Variants in UVRAG observed in about 807,000 individuals in gnomAD.
UVRAG encodes UV radiation resistance-associated gene protein.
In UVRAG, 19 loss-of-function variants were observed where a neutral mutation model predicts 78.0. The observed-to-expected ratio is 0.24, with a 90% CI of 0.17 to 0.36. UVRAG has a LOEUF of 0.36. Among genes scored for constraint, UVRAG ranks in the 10% least tolerant of loss-of-function variants. The probability of loss-of-function intolerance (pLI) is 1.00; values close to 1 mark genes in which losing one functional copy is unlikely to be tolerated. For synonymous variants in UVRAG, 323 were observed against 324.6 expected, an observed-to-expected ratio of 1.00 and a Z score of 0.05; for missense variants, 740 against 853.8, an observed-to-expected ratio of 0.87 and a Z score of 1.66.
chr11:75,902,210 C>A (rs900164658), intron 5 of UVRAG, among the ~76,000 whole-genome samples: 3 of 152,236 alleles, frequency 2.0e-5, no homozygotes, highest in African/African-American at 7.2e-5. Context: ...TATAGCTCAG[C>A]AGTCCCCAAC....
chr11:75,873,891 C>T (rs911531388), intron 3 of UVRAG, among the ~76,000 whole-genome samples: 1 of 152,164 alleles, frequency 6.6e-6, no homozygotes, highest in Non-Finnish European at 1.5e-5. Flanking sequence ...GGCTTTTCCC[C>T]AGCATTCCTA....
At chr11:75,821,104 T>C (rs1276734145) in intron 1 of UVRAG, among the ~76,000 whole-genome samples, 2 of 152,216 alleles carry the variant, frequency 1.3e-5, no homozygotes, top group Non-Finnish European at 2.9e-5. Context: ...CAGCCCCTGG[T>C]AAATTCTGTT....
At chr11:75,959,115 C>G (rs1169275122) in intron 6 of UVRAG, among the ~76,000 whole-genome samples, 2 of 152,118 alleles carry the variant, frequency 1.3e-5, no homozygotes, top group Admixed American at 1.3e-4. Context: ...CTTAAGGGCC[C>G]CAGGGTCTTC....
chr11:76,081,978 G>T (rs1450107679), intron 13 of UVRAG, among the ~76,000 whole-genome samples: 3 of 148,862 alleles, frequency 2.0e-5, no homozygotes, highest in East Asian at 3.9e-4. Context: ...CTCTATTTAT[G>T]TATAGTTCAA....
At chr11:75,846,359 T>C (rs891693102) in intron 1 of UVRAG, among the ~76,000 whole-genome samples, 1 of 152,224 alleles carries the variant, frequency 6.6e-6, no homozygotes, top group African/African-American at 2.4e-5. Flanking sequence ...CTCAGAACCA[T>C]TGCAAAGCCT....
intron 12 of UVRAG, among the ~76,000 whole-genome samples, chr11:76,022,219 T>C (rs1165743681): frequency 6.6e-6 from 1 of 152,220 alleles, no homozygotes; most frequent in African/African-American, 2.4e-5. Context: ...TAATGTATTG[T>C]CTATCCTGGA....
At chr11:76,137,045 G>A (rs1952608955) in intron 14 of UVRAG, 2 of 175,224 alleles carry the variant, frequency 1.1e-5, no homozygotes, top group South Asian at 2.5e-4. Context: ...GAATGTAGCT[G>A]GGATCCTGGA....
intron 1 of UVRAG, among the ~76,000 whole-genome samples, chr11:75,826,421 C>T (rs1175694607): frequency 2.0e-5 from 3 of 152,240 alleles, no homozygotes; most frequent in Non-Finnish European, 4.4e-5. Flanking sequence ...TCCTAAAGTG[C>T]TGGGATTACA....
At chr11:75,994,656 T>A (rs1949671383) in intron 8 of UVRAG, among the ~76,000 whole-genome samples, 1 of 152,224 alleles carries the variant, frequency 6.6e-6, no homozygotes, top group South Asian at 2.1e-4. Flanking sequence ...TGAGGAAAAT[T>A]AGGGCTCAGA....
chr11:76,109,140 G>T (rs1023588857), intron 13 of UVRAG, among the ~76,000 whole-genome samples: 1 of 152,134 alleles, frequency 6.6e-6, no homozygotes, highest in Non-Finnish European at 1.5e-5. Flanking sequence ...AGTTTTCTTG[G>T]CATCTGCCTT....
chr11:75,924,790 G>A (rs958663459), intron 6 of UVRAG, among the ~76,000 whole-genome samples: 4 of 152,154 alleles, frequency 2.6e-5, no homozygotes, highest in Middle Eastern at 3.4e-3. Flanking sequence ...CCTCTTATAG[G>A]CAATTATGCT....
rs368913080 is a variant in UVRAG, at chr11:75,928,939, C to CAAAAAAAAAAAA, written c.593+16914_593+16925dup. Among the ~76,000 whole-genome samples, 82 of 67,488 alleles carry CAAAAAAAAAAAA rather than the reference C, an allele frequency of 1.2e-3. 3 individuals carry two copies. The highest frequency in any genetic ancestry group is 6.0e-3 in the African/African-American group (77 of 12,786). 44.3% of individuals were successfully genotyped at this position (67,488 alleles called of 152,430 possible). A position where few individuals can be genotyped will look rare whatever the true frequency, so the allele number is the denominator to read the frequency against. On this transcript the variant is annotated intron_variant, in intron 6 of 14. Coordinates refer to ENST00000356136, the MANE Select transcript of UVRAG (RefSeq NM_003369.4). ...CCTGGGCGACAGAGCGAGACTGTCT[C>CAAAAAAAAAAAA]AAAAAAAAAAAAAAAAAAAAAAAAA...
intron 3 of UVRAG, among the ~76,000 whole-genome samples, chr11:75,877,324 C>A (rs571444203): frequency 1.8e-4 from 27 of 152,328 alleles, no homozygotes; most frequent in African/African-American, 5.8e-4. Context: ...TTCCACAAAA[C>A]CGCCATTGTC....
At chr11:75,953,178 A>G (rs970315917) in intron 6 of UVRAG, among the ~76,000 whole-genome samples, 3 of 152,058 alleles carry the variant, frequency 2.0e-5, no homozygotes, top group Middle Eastern at 6.8e-3. Flanking sequence ...CATTTACACC[A>G]TCTTTCCTGT....
Position 76,066,188 on chromosome 11 carries a change from A to G in UVRAG, c.1305+400A>G, listed in dbSNP as rs569673263. 3.3e-5 allele frequency among the ~76,000 whole-genome samples: 5 copies of G among 152,284 alleles called. No homozygotes were observed. The South Asian group carries it at 6.2e-4, about 19-fold the overall frequency. On this transcript the variant is annotated intron_variant, in intron 13 of 14. Coordinates refer to ENST00000356136, the MANE Select transcript of UVRAG (RefSeq NM_003369.4). ...AGTTCAGTGCCTTTGCAAGTACTTCATGGTCTCCTCACTTTATTATTCAGG... is the reference window on the plus strand; with the variant it reads ...AGTTCAGTGCCTTTGCAAGTACTTCGTGGTCTCCTCACTTTATTATTCAGG...
chr11:75,995,258 A>G (rs1018343549), intron 8 of UVRAG, among the ~76,000 whole-genome samples: 1 of 151,678 alleles, frequency 6.6e-6, no homozygotes, highest in Non-Finnish European at 1.5e-5. Flanking sequence ...TTTGGTGGGA[A>G]TGACCTATTA....
chr11:76,093,250 G>T (rs530832414), intron 13 of UVRAG, among the ~76,000 whole-genome samples: 2 of 152,224 alleles, frequency 1.3e-5, no homozygotes, highest in East Asian at 1.9e-4. Flanking sequence ...ATGCTGTTTT[G>T]GTTACTGTAG....
At chr11:76,049,591 A>G (rs1219877817) in intron 12 of UVRAG, among the ~76,000 whole-genome samples, 2 of 152,204 alleles carry the variant, frequency 1.3e-5, no homozygotes, top group Middle Eastern at 3.2e-3. Context: ...GATGGAGAGC[A>G]TGGAATAGAA....
intron 5 of UVRAG, among the ~76,000 whole-genome samples, chr11:75,891,398 C>T (rs1947210774): frequency 6.6e-6 from 1 of 152,146 alleles, no homozygotes; most frequent in South Asian, 2.1e-4. Flanking sequence ...TAAGTTCCTC[C>T]TGCAACTGGT....
Sources: gnomAD v4.1 joint callset for allele counts (sites outside exome capture counted in the v4.1 genomes callset) on GRCh38, gnomAD v4.1.1 for gene constraint, MANE v1.5 for transcripts, NCBI Gene and HGNC (gene_info 2026-07-23, HGNC 2026-07-21) for gene names.